Variants in DNM2 observed in about 807,000 individuals in gnomAD.
DNM2 encodes the protein dynamin 2.
Under a neutral mutation model 99.0 loss-of-function variants are expected in DNM2, and 15 were observed. That is an observed-to-expected ratio of 0.15 (90% CI 0.10 to 0.23). DNM2 has a LOEUF of 0.23. Ranked by LOEUF, DNM2 falls within the 10% of genes least tolerant of loss-of-function variation. The pLI is 1.00. For missense variants in DNM2, 742 were observed against 1,189.4 expected (o/e 0.62, Z 5.53); for synonymous variants, 525 against 481.2 (o/e 1.09, Z -1.19).
rs2071113105 is a variant in DNM2 at position 10,775,183 on chromosome 19, G to C, written c.386-520G>C. Among the ~76,000 whole-genome samples the C allele has an allele frequency of 6.6e-6, 1 of 152,158 alleles. No homozygotes were observed. The highest frequency in any genetic ancestry group is 2.4e-5 in the African/African-American group (1 of 41,436). On this transcript the variant is annotated intron_variant, in intron 3 of 20. Transcript: ENST00000389253. This position sits in a 1 kb window ranked among gnomAD's most constrained non-coding sequence, Gnocchi z 4.3. Reference sequence around the variant, plus strand: ...TGCAACCTCCACCTTCTGGGTTCAAGTGTTTCTCATGCCTCAGCCTCCAGA... The same window carrying C: ...TGCAACCTCCACCTTCTGGGTTCAACTGTTTCTCATGCCTCAGCCTCCAGA...
rs1245911066 is a variant in DNM2, at chr19:10,796,029, T to C, written c.1196+590T>C. ...CCATGCTTTGTTTCTCTCTGACTTA[T>C]CTCCCCTGCCCCCGGGTCTGGACGG... On this transcript the variant is annotated intron_variant, in intron 9 of 20. Transcript: ENST00000389253. The surrounding 1 kb of genome is among the most constrained non-coding windows in gnomAD (Gnocchi z 5.6). The C allele has an allele frequency of 3.7e-6, 6 of 1,612,536 alleles. No homozygotes were observed. The highest frequency in any genetic ancestry group is 2.2e-5 in the East Asian group (1 of 44,870).
At chr19:10,786,454 G>A (rs990251950) in intron 6 of DNM2, 110 bp from the exon 7 acceptor site, 3 of 1,534,544 alleles carry the variant, frequency 2.0e-6, no homozygotes, top group Non-Finnish European at 2.7e-6. Context: ...GTGGTGTGGT[G>A]GCCGCATAGT....
At chr19:10,821,432 G>C (rs2072965654) in intron 16 of DNM2, among the ~76,000 whole-genome samples, 1 of 152,140 alleles carries the variant, frequency 6.6e-6, no homozygotes. Context: ...GGGCAAAGTG[G>C]AGCAGCTCCA....
Position 10,825,085 on chromosome 19 carries a change from A to G in DNM2, c.1922A>G (p.Asn641Ser), listed in dbSNP as rs767924770. ...GAAAACGAGGATGGGGCCCAGGAGA[A>G]CACCTTCTCCATGGACCCCCAACTG... Reference protein sequence around the residue: ...QAENEDGAQENTFSMDPQLER... With the variant: ...QAENEDGAQESTFSMDPQLER... Residue 641 changes from asparagine (N) to serine (S), a missense_variant, in exon 18 of 21, where the codon AAC becomes AGC. This residue lies in a region of DNM2 where 240 missense variants were observed against 431.3 expected (regional missense o/e 0.56). Transcript: ENST00000389253. 1.5e-5 allele frequency: 25 copies of G among 1,614,072 alleles called. No homozygotes were observed. Among genetic ancestry groups the G allele is most frequent in the Non-Finnish European group, 3.4e-6 (4 of 1,180,032 alleles).
rs1279573862 is a variant in DNM2, at chr19:10,816,843, G to T, written c.1672-3137G>T. ...GTTTTCAGATCTCCTCTTCCTTCAC[G>T]TGAGGGGCCCTTCGTGTTTTTCTCA... is the stretch of plus-strand genomic sequence containing the variant. On this transcript the variant is annotated intron_variant, in intron 15 of 20. Coordinates refer to ENST00000389253, the MANE Select transcript of DNM2 (RefSeq NM_001005361.3). The surrounding 1 kb of genome is among the most constrained non-coding windows in gnomAD (Gnocchi z 4.6). Among the ~76,000 whole-genome samples the T allele has an allele frequency of 6.6e-6, 1 of 152,182 alleles. No homozygotes were observed. The highest frequency in any genetic ancestry group is 1.5e-5 in the Non-Finnish European group (1 of 68,020).
chr19:10,788,549 C>T (rs777157849), intron 7 of DNM2, among the ~76,000 whole-genome samples: 6 of 152,132 alleles, frequency 3.9e-5, no homozygotes, highest in Admixed American at 3.3e-4. Flanking sequence ...GCTCCCTAGC[C>T]GTGGTGGGAG....
chr19:10,823,459 G>C (rs111647605), intron 16 of DNM2: 259 of 336,654 alleles, frequency 7.7e-4, no homozygotes, highest in African/African-American at 4.9e-3. Flanking sequence ...GGACAGTGCT[G>C]CTCTGGGCTT....
At position 10,797,498 on chromosome 19, in the gene DNM2, A is replaced by G; in HGVS notation, c.1315A>G (p.Ile439Val). Residue 439 changes from isoleucine (I) to valine (V), a missense_variant, in exon 10 of 21, where the codon ATA becomes GTA. Ile to Val is a conservative substitution (Grantham distance 29). Transcript: ENST00000389253. ...DLVVSELATV[I>V]KKCAEKLSSY... ...CGTGGTCTCAGAGCTGGCCACGGTC[A>G]TAAAAAAGTGTGCCGAGAAGGTAAC... 3.1e-6 allele frequency: 5 copies of G among 1,612,744 alleles called. No homozygotes were observed. Among genetic ancestry groups the G allele is most frequent in the Non-Finnish European group, 4.2e-6 (5 of 1,179,568 alleles).
At chr19:10,799,803 G>A (rs2072072666) in intron 11 of DNM2, among the ~76,000 whole-genome samples, 1 of 151,726 alleles carries the variant, frequency 6.6e-6, no homozygotes, top group Admixed American at 6.6e-5. Context: ...CAAAGTGCTG[G>A]GATTATAGGG....
rs979759689 is a variant in DNM2 at position 10,722,143 on chromosome 19, G to A, written c.161+3740G>A. The stretch of plus-strand genomic sequence containing the variant: ...GCTGTTGTTGTAATCAGTTTCACCT[G>A]GCGTTGCTGAGCCTTTGTCCCTTGT... On this transcript the variant is annotated intron_variant, in intron 1 of 20. Coordinates refer to ENST00000389253, the MANE Select transcript of DNM2 (RefSeq NM_001005361.3). 2.6e-5 allele frequency among the ~76,000 whole-genome samples: 4 copies of A among 152,124 alleles called. No homozygotes were observed. The East Asian group carries it at 7.7e-4, about 29-fold the overall frequency.
chr19:10,808,255 A>G (rs1418049068), intron 13 of DNM2, among the ~76,000 whole-genome samples: 2 of 152,116 alleles, frequency 1.3e-5, no homozygotes, highest in Non-Finnish European at 2.9e-5. Flanking sequence ...TCCACCATGT[A>G]CCTTGCACGA....
At chr19:10,732,290 C>G in intron 1 of DNM2, among the ~76,000 whole-genome samples, 1 of 125,268 alleles carries the variant, frequency 8.0e-6, no homozygotes, top group African/African-American at 2.9e-5. Flanking sequence ...ACTGTTTACT[C>G]GTTGTGGAGA....
intron 3 of DNM2, among the ~76,000 whole-genome samples, chr19:10,773,676 C>G (rs1212373409): frequency 6.6e-6 from 1 of 151,738 alleles, no homozygotes; most frequent in East Asian, 1.9e-4. Flanking sequence ...CCATGTTGCA[C>G]AGGCTGGTCT....
At chr19:10,786,750 C>T in intron 7 of DNM2, 44 bp downstream of exon 7, 1 of 1,612,648 alleles carries the variant, frequency 6.2e-7, no homozygotes, top group Non-Finnish European at 8.5e-7. Flanking sequence ...CTGGCCCCTG[C>T]CTTCCATCAG....
At chr19:10,731,290 C>T (rs746672629) in intron 1 of DNM2, among the ~76,000 whole-genome samples, 17 of 152,004 alleles carry the variant, frequency 1.1e-4, no homozygotes, top group South Asian at 4.1e-4. Context: ...ACCAGCTGGC[C>T]GCGCAGCCAG....
rs866032088 is a variant in DNM2, at chr19:10,718,358, G to A, written c.116G>A (p.Gly39Asp). 6.6e-7 allele frequency: 1 copy of A among 1,522,094 alleles called. No individual in the cohort carries two copies. The highest frequency in any genetic ancestry group is 1.2e-5 in the South Asian group (1 of 80,060). 94.3% of individuals were successfully genotyped at this position (1,522,094 alleles called of 1,614,324 possible). ...LDLPQIAVVG[G>D]QSAGKSSVLE... ...CTGCCGCAGATCGCTGTAGTGGGCGGCCAGAGCGCCGGCAAGAGCTCGGTG... is the reference window on the plus strand; with the variant it reads ...CTGCCGCAGATCGCTGTAGTGGGCGACCAGAGCGCCGGCAAGAGCTCGGTG... The change falls in exon 1 of 21, where the codon GGC becomes GAC. Residue 39 changes from glycine to aspartate, a missense_variant. Around this residue, in one of 7 missense-constraint regions of DNM2, gnomAD observed 192 missense variants for 358.9 expected, o/e 0.54. Transcript: ENST00000389253.
Position 10,795,631 on chromosome 19 carries a change from C to G in DNM2, c.1196+192C>G, listed in dbSNP as rs1220670260. 6.2e-6 allele frequency: 4 copies of G among 649,450 alleles called. No homozygotes were observed. Among genetic ancestry groups the G allele is most frequent in the Non-Finnish European group, 1.1e-5 (4 of 366,446 alleles). The allele number at this position is 649,450 out of a possible 1,614,324, so 40.2% of individuals were successfully genotyped here. Reference sequence around the variant, plus strand: ...TGAGGGTGGATGTGTCTTAGTCCTGCGTCCATTGCAGGCTTCAGGGCTGTC... The same window carrying G: ...TGAGGGTGGATGTGTCTTAGTCCTGGGTCCATTGCAGGCTTCAGGGCTGTC... On this transcript the variant is annotated intron_variant, in intron 9 of 20. Transcript: ENST00000389253. The surrounding 1 kb of genome is among the most constrained non-coding windows in gnomAD (Gnocchi z 4.2).
At position 10,759,750 on chromosome 19, in the gene DNM2, C is replaced by A. The variant is rs773480707; in HGVS notation, c.174C>A (p.Pro58=). ...LENFVGRDFL[P]RGSGIVTRRP... ...CCCCCCCTCACAGGGACTTCCTTCC[C>A]CGCGGTTCAGGAATCGTCACCCGGC... Residue 58 remains proline, a synonymous_variant, in exon 2 of 21, where the codon CCC becomes CCA. Transcript: ENST00000389253. 6.2e-7 allele frequency: 1 copy of A among 1,614,180 alleles called. No homozygotes were observed. The highest frequency in any genetic ancestry group is 1.7e-5 in the Admixed American group (1 of 60,016).
rs1028907663 is a variant in DNM2 at position 10,830,358 on chromosome 19, G to T, written c.2523G>T (p.Gly841=). The T allele has an allele frequency of 3.1e-6, 5 of 1,611,590 alleles. No individual in the cohort carries two copies. In the Admixed American group the frequency reaches 6.7e-5, roughly 21 times the overall value. Residue 841 remains glycine, a synonymous_variant, in exon 20 of 21, where the codon GGG becomes GGT. Transcript: ENST00000389253. This position sits in a 1 kb window ranked among gnomAD's most constrained non-coding sequence, Gnocchi z 4.8. ...CTCGGCCAGTTCGGATCCCCCCAGG[G>T]ATTCCCCCAGGAGTGCCCAGGTAAG... ...IPSRPVRIPP[G]IPPGVPSRRP... is the part of the protein sequence containing the mutation.
Sources: allele counts gnomAD v4.1 joint callset (sites outside exome capture counted in the v4.1 genomes callset), GRCh38; gene constraint gnomAD v4.1.1; regional missense constraint gnomAD v4.1.1; non-coding constraint Gnocchi (gnomAD v3.1); transcripts MANE v1.5; gene names NCBI Gene and HGNC (gene_info 2026-07-23, HGNC 2026-07-21).